WDFY4: variants seen among roughly 807,000 people sequenced by gnomAD.
WDFY4 encodes the protein WDFY family member 4, also known as WD repeat- and FYVE domain-containing protein 4.
A neutral mutation model predicts 351.9 loss-of-function variants in WDFY4; 169 were observed. That is an observed-to-expected ratio of 0.48 (90% confidence interval 0.42 to 0.55). WDFY4 has a LOEUF of 0.55. WDFY4 is among the 20% of genes least tolerant of loss of function. The pLI is 0.00. For synonymous variants in WDFY4, 1,622 were observed against 1,574.6 expected, an observed-to-expected ratio of 1.03 and a Z score of -0.71; for missense variants, 3,803 against 3,935.6, an observed-to-expected ratio of 0.97 and a Z score of 0.90.
At chr10:48,961,893 A>G (rs957384413) in intron 53 of WDFY4, among the ~76,000 whole-genome samples, 2 of 152,068 alleles carry the variant, frequency 1.3e-5, no homozygotes, top group African/African-American at 4.8e-5. Context: ...GACTGAGGAG[A>G]CACCAGCCCA....
chr10:48,736,166 G>T, intron 11 of WDFY4, 96 bp downstream of exon 11: 1 of 1,417,344 alleles, frequency 7.1e-7, no homozygotes, highest in Non-Finnish European at 9.7e-7. Context: ...AATTCAGTTA[G>T]CCACTGTATG....
intron 47 of WDFY4, among the ~76,000 whole-genome samples, chr10:48,918,435 G>A (rs1222650581): frequency 1.3e-5 from 2 of 152,172 alleles, no homozygotes; most frequent in African/African-American, 4.8e-5. Context: ...CTTTATTAAT[G>A]TCAGATAAAG....
At position 48,966,531 on chromosome 10, in the gene WDFY4, T is replaced by C; in HGVS notation, c.8442T>C (p.Phe2814=). ...SNFGQVPKQL[F]TKPHPARTAA... ...TCTGTTCCCTGTCTCTCTAGCTCTT[T>C]ACCAAACCTCACCCAGCCAGGACTG... The change falls in exon 55 of 62, where the codon TTT becomes TTC. Residue 2814 remains phenylalanine, a synonymous_variant. Coordinates refer to ENST00000325239, the MANE Select transcript of WDFY4 (RefSeq NM_001394531.1). 1 of 1,552,008 alleles carries C rather than the reference T, an allele frequency of 6.4e-7. No homozygotes were observed. The highest frequency in any genetic ancestry group is 8.7e-7 in the Non-Finnish European group (1 of 1,147,022).
At position 48,774,568 on chromosome 10, in the gene WDFY4, C is replaced by T. The variant is rs2065967389; in HGVS notation, c.2664C>T (p.Ala888=). 5 of 1,551,618 alleles carry T rather than the reference C, an allele frequency of 3.2e-6. No individual in the cohort carries two copies. In the South Asian group the frequency reaches 4.8e-5, roughly 15 times the overall value. Residue 888 remains alanine (A), a synonymous_variant, in exon 14 of 62, where the codon GCC becomes GCT. Transcript: ENST00000325239. ...CAGGCTTGCTTGGGACCCTCATGGC[C>T]TCCTGCCACAGGGCCCTGGTCACCA... ...CEAGLLGTLM[A]SCHRALVTSG...
intron 39 of WDFY4, among the ~76,000 whole-genome samples, chr10:48,837,321 G>A (rs1217605153): frequency 6.6e-6 from 1 of 152,032 alleles, no homozygotes; most frequent in Non-Finnish European, 1.5e-5. Context: ...GTAAGAAAGG[G>A]GCCAAGGCAG....
Position 48,959,729 on chromosome 10 carries a change from G to A in WDFY4, c.8139G>A (p.Met2713Ile). Reference sequence around the variant, plus strand: ...GCTTCTCATCCCATGCAGGCTGCATGCAGGACGGGACTGTGCTAGGAGACG... The same window carrying A: ...GCTTCTCATCCCATGCAGGCTGCATACAGGACGGGACTGTGCTAGGAGACG... ...TNCNGVEFGC[M>I]QDGTVLGDVQ... is the part of the protein sequence containing the mutation. The change falls in exon 53 of 62, where the codon ATG (methionine) becomes ATA (isoleucine). Residue 2713 changes from methionine to isoleucine, a missense_variant. Physicochemically the swap from Met to Ile is conservative, Grantham distance 10 (BLOSUM62 1). Around this residue, in one of 3 missense-constraint regions of WDFY4, gnomAD observed 3,054 missense variants for 3,148.6 expected, o/e 0.97. Coordinates refer to ENST00000325239, the MANE Select transcript of WDFY4 (RefSeq NM_001394531.1). 1 of 1,551,602 alleles carries A rather than the reference G, an allele frequency of 6.4e-7. No homozygotes were observed. Among genetic ancestry groups the A allele is most frequent in the Non-Finnish European group, 8.7e-7 (1 of 1,146,958 alleles).
intron 29 of WDFY4, 26 bp downstream of exon 29, chr10:48,810,761 G>A (rs903415365): frequency 2.7e-6 from 4 of 1,493,916 alleles, no homozygotes; most frequent in Admixed American, 2.3e-5. Flanking sequence ...TCTCCAGGGA[G>A]TGGGGCACCA....
At chr10:48,882,311 T>TG (rs1306322879) in intron 43 of WDFY4, among the ~76,000 whole-genome samples, 2 of 152,182 alleles carry the variant, frequency 1.3e-5, no homozygotes, top group Non-Finnish European at 2.9e-5. Context: ...GAGGGCAGCT[T>TG]GGCACAGGGC....
At chr10:48,815,208 A>G (rs1390600531) in intron 31 of WDFY4, among the ~76,000 whole-genome samples, 1 of 152,204 alleles carries the variant, frequency 6.6e-6, no homozygotes, top group Non-Finnish European at 1.5e-5. Context: ...TCTTGTTCAG[A>G]AGGACTCAGC....
At chr10:48,778,930 CCTT>C (rs2132646739) in intron 18 of WDFY4, 98 bp downstream of exon 18, 2 of 1,308,274 alleles carry the variant, frequency 1.5e-6, no homozygotes, top group Admixed American at 4.3e-5. Flanking sequence ...AACCTGGTGA[CCTT>C]CTGTTTCTCC....
intron 40 of WDFY4, among the ~76,000 whole-genome samples, chr10:48,872,011 C>A (rs1373333188): frequency 6.6e-6 from 1 of 152,140 alleles, no homozygotes; most frequent in East Asian, 1.9e-4. Flanking sequence ...CTATTATTAA[C>A]CACATTTGAC....
chr10:48,817,324 G>A lies in WDFY4; in HGVS notation c.5420G>A (p.Arg1807His), dbSNP rs200503448. Residue 1807 changes from arginine (R) to histidine (H), a missense_variant, in exon 32 of 62, where the codon CGC (arginine) becomes CAC (histidine). This residue lies in a region of WDFY4 where 3,054 missense variants were observed against 3,148.6 expected (regional missense o/e 0.97). Transcript: ENST00000325239. ...SVLQFLSLVH[R>H]TYPQDPAWRA... ...CTGCAGTTCCTCAGCCTCGTCCACCGCACCTACCCCCAGGACCCAGCGTGG... is the reference window on the plus strand; with the variant it reads ...CTGCAGTTCCTCAGCCTCGTCCACCACACCTACCCCCAGGACCCAGCGTGG... 4.6e-5 allele frequency: 71 copies of A among 1,551,608 alleles called. 1 individual carries two copies. Among genetic ancestry groups the A allele is most frequent in the South Asian group, 3.1e-4 (26 of 84,060 alleles).
At chr10:48,970,405 T>C in intron 57 of WDFY4, 116 bp downstream of exon 57, 1 of 1,383,832 alleles carries the variant, frequency 7.2e-7, no homozygotes, top group Non-Finnish European at 9.6e-7. Flanking sequence ...ACACCCTAAC[T>C]CTGCTCACTG....
Position 48,775,812 on chromosome 10 carries a change from G to T in WDFY4, c.2863+6G>T, listed in dbSNP as rs1253810164. ...AGGCAACCCTGGGTGCTCAGGTGAG[G>T]ACAGTGGCAAGAACGGGGCAGGTTA... On this transcript the variant is annotated splice_donor_region_variant and intron_variant, in intron 15 of 61. Transcript: ENST00000325239. The T allele has an allele frequency of 6.4e-7, 1 of 1,550,826 alleles. No homozygotes were observed.
intron 1 of WDFY4, among the ~76,000 whole-genome samples, chr10:48,700,211 C>T (rs2063440723): frequency 6.6e-6 from 1 of 152,164 alleles, no homozygotes; most frequent in South Asian, 2.1e-4. Flanking sequence ...CAGCTCTTTC[C>T]CCAAGGGCCC....
intron 19 of WDFY4, among the ~76,000 whole-genome samples, chr10:48,783,171 C>G (rs1352643406): frequency 6.6e-6 from 1 of 152,184 alleles, no homozygotes; most frequent in Non-Finnish European, 1.5e-5. Context: ...CAGGACCCTT[C>G]CTGGATACCA....
chr10:48,864,611 G>A (rs1211986042), intron 39 of WDFY4, among the ~76,000 whole-genome samples: 1 of 151,694 alleles, frequency 6.6e-6, no homozygotes, highest in Non-Finnish European at 1.5e-5. Context: ...TTCAATTTTT[G>A]CAAAAAAGAG....
chr10:48,726,132 G>A (rs2064259144), intron 6 of WDFY4, 62 bp downstream of exon 6: 3 of 1,493,368 alleles, frequency 2.0e-6, no homozygotes, highest in Admixed American at 2.1e-5. Context: ...TGAACTCAGA[G>A]CAAAGGCTGA....
chr10:48,777,421 G>T lies in WDFY4; in HGVS notation c.3101G>T (p.Cys1034Phe). The change falls in exon 17 of 62, where the codon TGT (cysteine) becomes TTT (phenylalanine). Residue 1034 changes from cysteine to phenylalanine, a missense_variant and splice_region_variant. Cys to Phe is a radical substitution (Grantham distance 205, BLOSUM62 -2). Around this residue, in one of 3 missense-constraint regions of WDFY4, gnomAD observed 3,054 missense variants for 3,148.6 expected, o/e 0.97. Coordinates refer to ENST00000325239, the MANE Select transcript of WDFY4 (RefSeq NM_001394531.1). ...CTGAGACAATTTTCTATTTCCAGCT[G>T]TTTGTTTATTCCAACCCTGTCCACA... ...EFDMSVEGYG[C>F]LFIPTLSTVM... is the part of the protein sequence containing the mutation. The T allele has an allele frequency of 6.4e-7, 1 of 1,551,678 alleles. No individual in the cohort carries two copies. The highest frequency in any genetic ancestry group is 8.7e-7 in the Non-Finnish European group (1 of 1,146,976).
Sources: allele counts gnomAD v4.1 joint callset (sites outside exome capture counted in the v4.1 genomes callset), GRCh38; gene constraint gnomAD v4.1.1; regional missense constraint gnomAD v4.1.1; transcripts MANE v1.5; gene names NCBI Gene and HGNC (gene_info 2026-07-23, HGNC 2026-07-21).